The following HAAO variants were observed in gnomAD, a reference collection of about 807,000 sequenced individuals.
HAAO encodes the protein 3-hydroxyanthranilate oxygenase.
HAAO carries 49 observed loss-of-function variants against 46.2 expected under a neutral mutation model. The observed-to-expected ratio is 1.06, with a 90% CI of 0.84 to 1.34. HAAO has a LOEUF of 1.34. Ranked by LOEUF, HAAO falls within the 40% of genes most tolerant of loss-of-function variation. The pLI is 0.00. For synonymous variants in HAAO, 157 were observed against 145.2 expected (o/e 1.08, Z -0.58); for missense variants, 408 against 364.5 (o/e 1.12, Z -0.97).
At chr2:42,774,792 G>C (rs1423908778) in intron 4 of HAAO, among the ~76,000 whole-genome samples, 1 of 152,114 alleles carries the variant, frequency 6.6e-6, no homozygotes, top group East Asian at 1.9e-4. Context: ...ACTGTTTGTT[G>C]TTGTTGTTGC....
intron 4 of HAAO, among the ~76,000 whole-genome samples, chr2:42,778,008 T>C (rs927945170): frequency 5.9e-5 from 9 of 152,128 alleles, no homozygotes; most frequent in Admixed American, 4.6e-4. Context: ...TCTTGTATGG[T>C]AAATTTAGTT....
At chr2:42,779,818 C>G (rs1671855395) in intron 4 of HAAO, among the ~76,000 whole-genome samples, 1 of 151,990 alleles carries the variant, frequency 6.6e-6, no homozygotes, top group Non-Finnish European at 1.5e-5. Context: ...TTTTTCTGAC[C>G]TAATTAATCT....
intron 4 of HAAO, among the ~76,000 whole-genome samples, chr2:42,781,219 A>G (rs756234255): frequency 4.6e-4 from 70 of 152,358 alleles, no homozygotes; most frequent in Non-Finnish European, 8.1e-4. Context: ...CATAAGTGCA[A>G]TAAGAATCTG....
chr2:42,780,595 G>A (rs1192244015), intron 4 of HAAO, among the ~76,000 whole-genome samples: 4 of 152,024 alleles, frequency 2.6e-5, no homozygotes, highest in Non-Finnish European at 5.9e-5. Flanking sequence ...CTCTCATGGA[G>A]AGCTGAAATG....
At position 42,783,799 on chromosome 2, in the gene HAAO, G is replaced by A; in HGVS notation, c.228C>T (p.Val76=). Residue 76 remains valine (V), a synonymous_variant, in exon 3 of 10, where the codon GTC becomes GTT. Transcript: ENST00000294973. ...VLEQGKHRDV[V]IRQGEIFLLP... ...CCGGCCTCACCTCTCCCTGCCGAAT[G>A]ACCACATCCCGGTGTTTCCCTTGCT... is the stretch of plus-strand genomic sequence containing the variant. The A allele has an allele frequency of 6.2e-7, 1 of 1,612,562 alleles. No individual in the cohort carries two copies. Among genetic ancestry groups the A allele is most frequent in the Non-Finnish European group, 8.5e-7 (1 of 1,179,392 alleles).
intron 3 of HAAO, 151 bp from the exon 4 acceptor site, chr2:42,783,571 C>T (rs1672167335): frequency 5.9e-6 from 4 of 679,092 alleles, no homozygotes; most frequent in African/African-American, 3.6e-5. Context: ...CCAGCCTCTA[C>T]ACCAGGGAAC....
At chr2:42,771,744 G>A (rs553040060) in intron 4 of HAAO, among the ~76,000 whole-genome samples, 5 of 152,364 alleles carry the variant, frequency 3.3e-5, no homozygotes, top group African/African-American at 9.6e-5. Flanking sequence ...TTAACTGAAT[G>A]CCTAATGCCC....
At chr2:42,774,960 C>T (rs185969683) in intron 4 of HAAO, among the ~76,000 whole-genome samples, 4 of 151,754 alleles carry the variant, frequency 2.6e-5, no homozygotes, top group Non-Finnish European at 4.4e-5. Context: ...CACACACACA[C>T]GAAAAGGGCC....
intron 1 of HAAO, 37 bp downstream of exon 1, chr2:42,792,420 C>T: frequency 1.7e-6 from 2 of 1,206,732 alleles, no homozygotes; most frequent in Non-Finnish European, 2.3e-6. Flanking sequence ...GGGGAGGAGG[C>T]GAGGGCAGGG....
At chr2:42,788,637 TA>T in intron 1 of HAAO, 30 bp from the exon 2 acceptor site, 1 of 1,315,190 alleles carries the variant, frequency 7.6e-7, no homozygotes, top group Non-Finnish European at 1.1e-6. Context: ...GGAGACGTTC[TA>T]AACCATCTCC....
At chr2:42,776,717 C>T (rs1310490542) in intron 4 of HAAO, among the ~76,000 whole-genome samples, 3 of 149,304 alleles carry the variant, frequency 2.0e-5, no homozygotes, top group Non-Finnish European at 4.4e-5. Context: ...ACTGCAACTT[C>T]CGCCTCTTGG....
chr2:42,784,513 G>C (rs1363425046), intron 2 of HAAO, among the ~76,000 whole-genome samples: 1 of 113,994 alleles, frequency 8.8e-6, no homozygotes, highest in Non-Finnish European at 1.8e-5. Flanking sequence ...GTGCTCTCCT[G>C]GGGGTGGGGG....
chr2:42,773,491 A>G (rs1671303702), intron 4 of HAAO, among the ~76,000 whole-genome samples: 1 of 152,164 alleles, frequency 6.6e-6, no homozygotes, highest in South Asian at 2.1e-4. Flanking sequence ...CCCTCCCAGA[A>G]GACCTTGTGA....
At chr2:42,786,930 C>T (rs368553038) in intron 2 of HAAO, among the ~76,000 whole-genome samples, 46 of 152,130 alleles carry the variant, frequency 3.0e-4, no homozygotes, top group Non-Finnish European at 5.6e-4. Context: ...ACTTCCACAG[C>T]GCATCCTGGA....
chr2:42,787,489 T>C (rs949277335), intron 2 of HAAO, among the ~76,000 whole-genome samples: 2 of 152,044 alleles, frequency 1.3e-5, no homozygotes, highest in African/African-American at 4.8e-5. Context: ...GGTGTGTTTG[T>C]GAGAAGGGGG....
At chr2:42,775,753 A>T (rs1417169896) in intron 4 of HAAO, among the ~76,000 whole-genome samples, 1 of 152,060 alleles carries the variant, frequency 6.6e-6, no homozygotes, top group Non-Finnish European at 1.5e-5. Flanking sequence ...TGAAGAAGGC[A>T]CTAGACTCCT....
chr2:42,776,694 G>A (rs1671603285), intron 4 of HAAO, among the ~76,000 whole-genome samples: 2 of 148,724 alleles, frequency 1.3e-5, no homozygotes, highest in South Asian at 2.1e-4. Context: ...GTGCAGTGGC[G>A]TGATCTTGGC....
chr2:42,770,938 G>T (rs1215117541), intron 4 of HAAO, among the ~76,000 whole-genome samples: 1 of 152,224 alleles, frequency 6.6e-6, no homozygotes, highest in Non-Finnish European at 1.5e-5. Flanking sequence ...CCAGTCTCAA[G>T]ACAATCTTAA....
At chr2:42,772,564 T>TTTAGGTTTCA (rs1258064763) in intron 4 of HAAO, among the ~76,000 whole-genome samples, 2 of 151,892 alleles carry the variant, frequency 1.3e-5, no homozygotes, top group Non-Finnish European at 2.9e-5. Flanking sequence ...AAGATGGAAG[T>TTTAGGTTTCA]TTAGGTTTCA....
Sources: allele counts gnomAD v4.1 joint callset (sites outside exome capture counted in the v4.1 genomes callset), GRCh38; gene constraint gnomAD v4.1.1; transcripts MANE v1.5; gene names NCBI Gene and HGNC (gene_info 2026-07-23, HGNC 2026-07-21).